The following FAM135B variants were observed in gnomAD, a reference collection of about 807,000 sequenced individuals.
FAM135B encodes protein FAM135B.
Under a neutral mutation model 127.7 loss-of-function variants are expected in FAM135B, and 43 were observed. The observed-to-expected ratio is 0.34, with a 90% CI of 0.26 to 0.43. FAM135B has a LOEUF of 0.43. Ranked by LOEUF, FAM135B falls within the 20% of genes least tolerant of loss-of-function variation. The probability of loss-of-function intolerance (pLI) is 1.00; values close to 1 mark genes in which losing one functional copy is unlikely to be tolerated. For missense variants in FAM135B, 1,558 were observed against 1,725.6 expected (o/e 0.90, Z 1.72); for synonymous variants, 670 against 665.1 (o/e 1.01, Z -0.11).
chr8:138,206,321 CTAT>C (rs1170155218), intron 7 of FAM135B, among the ~76,000 whole-genome samples: 3,828 of 149,924 alleles, frequency 0.026, 170 homozygotes, highest in Admixed American at 0.03. Flanking sequence ...ACCCACAGCT[CTAT>C]CATCCCCTCC....
intron 3 of FAM135B, among the ~76,000 whole-genome samples, chr8:138,298,230 T>A (rs570035104): frequency 6.6e-6 from 1 of 152,312 alleles, no homozygotes; most frequent in East Asian, 1.9e-4. Flanking sequence ...AGTAACATTA[T>A]TATTAAATTC....
chr8:138,409,256 GA>G (rs1365668682), intron 1 of FAM135B, among the ~76,000 whole-genome samples: 1 of 152,150 alleles, frequency 6.6e-6, no homozygotes, highest in Non-Finnish European at 1.5e-5. Context: ...AACGAGAGGA[GA>G]AAGATGGGGG....
At chr8:138,337,122 C>G (rs1828658951) in intron 2 of FAM135B, among the ~76,000 whole-genome samples, 1 of 152,068 alleles carries the variant, frequency 6.6e-6, no homozygotes, top group Non-Finnish European at 1.5e-5. Flanking sequence ...ATAATAAGAG[C>G]TATCTATGAC....
chr8:138,311,316 T>C (rs1029421714), intron 2 of FAM135B, among the ~76,000 whole-genome samples: 1 of 152,244 alleles, frequency 6.6e-6, no homozygotes, highest in South Asian at 2.1e-4. Context: ...GTTTCTATCA[T>C]ATTGCAACAC....
chr8:138,130,676 G>T lies in FAM135B; in HGVS notation c.*1917C>A, dbSNP rs181478415. 2 of 152,342 alleles carry T rather than the reference G, an allele frequency of 1.3e-5. No individual in the cohort carries two copies. The highest frequency in any genetic ancestry group is 6.5e-5 in the Admixed American group (1 of 15,300). 9.4% of individuals were successfully genotyped at this position (152,342 alleles called of 1,614,324 possible). On this transcript the variant is annotated 3_prime_UTR_variant, in exon 20 of 20. Transcript: ENST00000395297. Reference sequence around the variant, plus strand: ...AAGGAGAAGCTGCTACCAACTTATGGTTCTGTACTGAGCATGGGCACTTGC... The same window carrying T: ...AAGGAGAAGCTGCTACCAACTTATGTTTCTGTACTGAGCATGGGCACTTGC...
intron 5 of FAM135B, among the ~76,000 whole-genome samples, chr8:138,251,980 C>T (rs1821732451): frequency 6.6e-6 from 1 of 152,202 alleles, no homozygotes; most frequent in African/African-American, 2.4e-5. Context: ...ACACCATAGG[C>T]TTTGCTTCCT....
chr8:138,451,852 A>T (rs749836237), intron 1 of FAM135B, among the ~76,000 whole-genome samples: 2 of 152,142 alleles, frequency 1.3e-5, no homozygotes, highest in Non-Finnish European at 2.9e-5. Flanking sequence ...GAACAAATGA[A>T]TGGGTAAATA....
intron 1 of FAM135B, among the ~76,000 whole-genome samples, chr8:138,495,480 C>T (rs185810266): frequency 5.3e-5 from 8 of 152,260 alleles, no homozygotes; most frequent in Admixed American, 5.2e-4. Flanking sequence ...ATAACCACAC[C>T]ATAAATTAAA....
chr8:138,496,026 C>T (rs1587568871), intron 1 of FAM135B, among the ~76,000 whole-genome samples: 1 of 152,258 alleles, frequency 6.6e-6, no homozygotes, highest in African/African-American at 2.4e-5. Flanking sequence ...TGACTGCTAG[C>T]TCAAAATTTT....
intron 1 of FAM135B, among the ~76,000 whole-genome samples, chr8:138,388,675 A>G (rs2131315781): frequency 6.6e-6 from 1 of 152,358 alleles, no homozygotes; most frequent in African/African-American, 2.4e-5. Context: ...TTCCAAATAT[A>G]TGATGTTGTA....
At chr8:138,457,357 A>G (rs2326291) in intron 1 of FAM135B, among the ~76,000 whole-genome samples, 9,909 of 152,190 alleles carry the variant, frequency 0.065, 1,054 homozygotes, top group African/African-American at 0.22. Context: ...ATATTGTCAC[A>G]GTGTCTAGGC....
intron 3 of FAM135B, among the ~76,000 whole-genome samples, chr8:138,274,905 C>T (rs536661787): frequency 3.4e-5 from 3 of 87,178 alleles, no homozygotes; most frequent in Admixed American, 1.4e-4. Context: ...AAGGTGCCCA[C>T]ATTTCATATT....
At chr8:138,180,160 G>C (rs1814872421) in intron 9 of FAM135B, among the ~76,000 whole-genome samples, 1 of 152,138 alleles carries the variant, frequency 6.6e-6, no homozygotes, top group Non-Finnish European at 1.5e-5. Flanking sequence ...TGAGAAGAGA[G>C]GTCACATCTC....
intron 7 of FAM135B, among the ~76,000 whole-genome samples, chr8:138,212,424 A>G (rs1460151086): frequency 6.6e-6 from 1 of 152,192 alleles, no homozygotes; most frequent in African/African-American, 2.4e-5. Flanking sequence ...AAAAGGAAAT[A>G]AGAGGGAAAA....
chr8:138,195,586 C>A (rs543953436), intron 8 of FAM135B, among the ~76,000 whole-genome samples: 15 of 152,048 alleles, frequency 9.9e-5, no homozygotes, highest in African/African-American at 3.6e-4. Flanking sequence ...TCATACAGCA[C>A]TTTGTGTGGC....
chr8:138,144,008 C>CAT (rs1332842090), intron 15 of FAM135B, among the ~76,000 whole-genome samples: 1 of 152,186 alleles, frequency 6.6e-6, no homozygotes. Flanking sequence ...AAGAGAGAAC[C>CAT]ATAAGCTCTT....
chr8:138,372,405 C>T (rs1831191147), intron 1 of FAM135B, among the ~76,000 whole-genome samples: 2 of 152,126 alleles, frequency 1.3e-5, no homozygotes, highest in African/African-American at 4.8e-5. Flanking sequence ...GCCCCTGAAG[C>T]CTATGTCTAG....
intron 2 of FAM135B, among the ~76,000 whole-genome samples, chr8:138,356,891 T>C (rs765480239): frequency 6.6e-5 from 10 of 152,172 alleles, no homozygotes; most frequent in Non-Finnish European, 1.2e-4. Context: ...TCTTAATCTA[T>C]GTTTAATTCT....
chr8:138,286,089 C>G (rs1824662070), intron 3 of FAM135B, among the ~76,000 whole-genome samples: 1 of 152,100 alleles, frequency 6.6e-6, no homozygotes, highest in African/African-American at 2.4e-5. Flanking sequence ...AGTAACCATT[C>G]CATTCTAGTG....
Sources: allele counts gnomAD v4.1 joint callset (sites outside exome capture counted in the v4.1 genomes callset), GRCh38; gene constraint gnomAD v4.1.1; transcripts MANE v1.5; gene names NCBI Gene and HGNC (gene_info 2026-07-23, HGNC 2026-07-21).